DLGAP2: variants seen among roughly 807,000 people sequenced by gnomAD.
The protein encoded by DLGAP2 is DLG associated protein 2, also known as disks large-associated protein 2.
DLGAP2 carries 26 observed loss-of-function variants against 100.3 expected under a neutral mutation model. The observed-to-expected ratio is 0.26, with a 90% CI of 0.19 to 0.36. DLGAP2 has a LOEUF of 0.36. Among genes scored for constraint, DLGAP2 ranks in the 10% least tolerant of loss-of-function variants. DLGAP2 has a pLI of 1.00. For missense variants in DLGAP2, 1,858 were observed against 1,453.2 expected (o/e 1.28, Z -4.53); for synonymous variants, 886 against 630.1 (o/e 1.41, Z -6.08).
intron 14 of DLGAP2, among the ~76,000 whole-genome samples, chr8:1,698,574 GGACTA>G (rs553584777): frequency 3.3e-5 from 5 of 151,084 alleles, no homozygotes; most frequent in African/African-American, 9.8e-5. Context: ...GCCATGCATG[GGACTA>G]GACAGGTCCA....
intron 1 of DLGAP2, among the ~76,000 whole-genome samples, chr8:750,407 T>C (rs1439003853): frequency 6.6e-6 from 1 of 152,244 alleles, no homozygotes; most frequent in African/African-American, 2.4e-5. Flanking sequence ...ATCTTTTCTA[T>C]GTCTACAGGA....
At chr8:1,077,527 G>C (rs1298686052) in intron 2 of DLGAP2, among the ~76,000 whole-genome samples, 3 of 152,132 alleles carry the variant, frequency 2.0e-5, no homozygotes, top group Non-Finnish European at 2.9e-5. Context: ...ATTCCATTCT[G>C]GGCTCCACTG....
chr8:994,352 C>A (rs12677315), intron 2 of DLGAP2, among the ~76,000 whole-genome samples: 1 of 152,100 alleles, frequency 6.6e-6, no homozygotes, highest in South Asian at 2.1e-4. Context: ...AGGCATGGGC[C>A]ACCATGCCTG....
At chr8:1,608,883 G>T (rs931869503) in intron 6 of DLGAP2, among the ~76,000 whole-genome samples, 5 of 151,626 alleles carry the variant, frequency 3.3e-5, no homozygotes, top group Admixed American at 3.3e-4. Context: ...AGAAATATGG[G>T]ACTATGTGAA....
intron 2 of DLGAP2, among the ~76,000 whole-genome samples, chr8:1,141,482 T>TA (rs1263167315): frequency 5.3e-5 from 8 of 152,188 alleles, no homozygotes; most frequent in Admixed American, 3.9e-4. Context: ...CCTATATTAT[T>TA]AAAAAAAGAA....
intron 1 of DLGAP2, among the ~76,000 whole-genome samples, chr8:820,130 C>G (rs923272409): frequency 6.6e-6 from 1 of 152,154 alleles, no homozygotes; most frequent in Non-Finnish European, 1.5e-5. Context: ...AATATGGATT[C>G]TTCAGTAAAT....
intron 2 of DLGAP2, among the ~76,000 whole-genome samples, chr8:1,036,657 A>C (rs1482085740): frequency 6.6e-6 from 1 of 152,094 alleles, no homozygotes; most frequent in Non-Finnish European, 1.5e-5. Context: ...CAGGGCCTTG[A>C]ACCGTGCACC....
chr8:1,230,907 A>C (rs536842530), intron 2 of DLGAP2, among the ~76,000 whole-genome samples: 110 of 152,308 alleles, frequency 7.2e-4, no homozygotes, highest in Non-Finnish European at 1.4e-3. Context: ...AAGAATCCTA[A>C]GAAAAAAAAT....
At chr8:1,444,291 G>T (rs1797920648) in intron 3 of DLGAP2, among the ~76,000 whole-genome samples, 1 of 152,160 alleles carries the variant, frequency 6.6e-6, no homozygotes, top group South Asian at 2.1e-4. Context: ...AATATAATTT[G>T]CTTAACCAAC....
At chr8:1,458,237 G>A (rs1194866861) in intron 3 of DLGAP2, among the ~76,000 whole-genome samples, 1 of 151,720 alleles carries the variant, frequency 6.6e-6, no homozygotes, top group African/African-American at 2.4e-5. Context: ...GATCTTCTAT[G>A]TTGCCTTCCT....
intron 3 of DLGAP2, among the ~76,000 whole-genome samples, chr8:1,439,406 A>T (rs1332904980): frequency 6.6e-6 from 1 of 152,074 alleles, no homozygotes; most frequent in African/African-American, 2.4e-5. Context: ...TGCCCTCCGG[A>T]GCCTCTGCGT....
intron 3 of DLGAP2, among the ~76,000 whole-genome samples, chr8:1,283,159 G>A (rs527304161): frequency 1.5e-4 from 20 of 137,426 alleles, no homozygotes; most frequent in African/African-American, 3.1e-4. Flanking sequence ...TGAACCATCT[G>A]GACGTGGTGT....
At chr8:1,123,045 G>C (rs1796086434) in intron 2 of DLGAP2, among the ~76,000 whole-genome samples, 1 of 152,114 alleles carries the variant, frequency 6.6e-6, no homozygotes, top group African/African-American at 2.4e-5. Flanking sequence ...AACTGGGTTG[G>C]GGGCACTAAA....
intron 3 of DLGAP2, among the ~76,000 whole-genome samples, chr8:1,355,660 G>A (rs62487408): frequency 0.24 from 37,206 of 151,982 alleles, 5,169 homozygotes; most frequent in African/African-American, 0.38. Context: ...ACCGCACCTG[G>A]CCAAGTACGA....
chr8:1,422,592 A>G (rs192230025), intron 3 of DLGAP2, among the ~76,000 whole-genome samples: 1 of 149,912 alleles, frequency 6.7e-6, no homozygotes, highest in Non-Finnish European at 1.5e-5. Flanking sequence ...TGGGTGGAAC[A>G]GACAGGGTGG....
chr8:967,820 A>G (rs796606909), intron 2 of DLGAP2, among the ~76,000 whole-genome samples: 2 of 3,602 alleles, frequency 5.6e-4, no homozygotes, highest in African/African-American at 5.2e-3. Flanking sequence ...ACACCACTAT[A>G]TATATATATA....
chr8:1,440,682 C>T (rs956877836), intron 3 of DLGAP2, among the ~76,000 whole-genome samples: 4 of 152,214 alleles, frequency 2.6e-5, no homozygotes, highest in Admixed American at 6.5e-5. Context: ...TCGGGTGAGC[C>T]GCCCTCTGGG....
chr8:1,241,312 TTC>T (rs1472181939), intron 2 of DLGAP2, among the ~76,000 whole-genome samples: 2 of 151,686 alleles, frequency 1.3e-5, no homozygotes, highest in Non-Finnish European at 2.9e-5. Flanking sequence ...CCGTGTCTAG[TTC>T]TCTCACATGG....
intron 2 of DLGAP2, among the ~76,000 whole-genome samples, chr8:1,041,928 G>T (rs1802365522): frequency 6.6e-6 from 1 of 152,202 alleles, no homozygotes; most frequent in Admixed American, 6.5e-5. Context: ...CTCTTCTCTT[G>T]GAGTGAGCTC....
Sources: gnomAD v4.1 joint callset for allele counts (sites outside exome capture counted in the v4.1 genomes callset) on GRCh38, gnomAD v4.1.1 for gene constraint, MANE v1.5 for transcripts, NCBI Gene and HGNC (gene_info 2026-07-23, HGNC 2026-07-21) for gene names.